The following JUP variants were observed in gnomAD, a reference collection of about 807,000 sequenced individuals.
The protein encoded by JUP is catenin (cadherin-associated protein), gamma 80kDa.
JUP carries 28 observed loss-of-function variants against 71.1 expected under a neutral mutation model. That is an observed-to-expected ratio of 0.39 (90% CI 0.29 to 0.54). JUP has a LOEUF of 0.54. Ranked by LOEUF, JUP falls within the 20% of genes least tolerant of loss-of-function variation. JUP has a pLI of 0.62. For missense variants in JUP, 869 were observed against 1,030.1 expected (o/e 0.84, Z 2.14); for synonymous variants, 401 against 438.9 (o/e 0.91, Z 1.08).
chr17:41,759,479 C>A (rs1261039384), intron 8 of JUP, among the ~76,000 whole-genome samples: 1 of 150,676 alleles, frequency 6.6e-6, no homozygotes, highest in Non-Finnish European at 1.5e-5. Context: ...TTCTTAACCA[C>A]CCCCCACAGA....
At chr17:41,764,534 G>GGAAAAAAAAAA (rs60346985) in intron 7 of JUP, among the ~76,000 whole-genome samples, 179 bp downstream of exon 7, 1 of 83,910 alleles carries the variant, frequency 1.2e-5, no homozygotes, top group Non-Finnish European at 2.1e-5. Context: ...GACTCCGTCA[G>GGAAAAAAAAAA]AAAAAAAAAA....
intron 4 of JUP, among the ~76,000 whole-genome samples, chr17:41,768,281 C>G (rs1555604832): frequency 6.6e-6 from 1 of 152,160 alleles, no homozygotes; most frequent in Non-Finnish European, 1.5e-5. Context: ...TGCCTGTAAT[C>G]CCTGCTACTT....
Position 41,763,125 on chromosome 17 carries a change from G to A in JUP, c.1355C>T (p.Thr452Met), listed in dbSNP as rs781888888. Residue 452 changes from threonine to methionine, a missense_variant, in exon 8 of 14, where the codon ACG (threonine) becomes ATG (methionine). Transcript: ENST00000393931. ...ILRAGDKDDI[T>M]EPAVCALRHL... ...GCGCAGAGCGCAGACGGCAGGCTCCGTGATGTCGTCCTTGTCACCAGCACG... is the reference window on the plus strand; with the variant it reads ...GCGCAGAGCGCAGACGGCAGGCTCCATGATGTCGTCCTTGTCACCAGCACG... The A allele has an allele frequency of 3.5e-5, 56 of 1,614,108 alleles. No homozygotes were observed. Among genetic ancestry groups the A allele is most frequent in the Middle Eastern group, 3.3e-4 (2 of 6,084 alleles).
intron 1 of JUP, among the ~76,000 whole-genome samples, chr17:41,783,292 TTG>T (rs1555610761): frequency 2.4e-5 from 2 of 83,348 alleles, no homozygotes; most frequent in African/African-American, 3.9e-5. Flanking sequence ...CGCGTTTTTT[TTG>T]TTTTTTTTTT....
At chr17:41,762,543 GCAC>G (rs1915069229) in intron 8 of JUP, among the ~76,000 whole-genome samples, 1 of 152,040 alleles carries the variant, frequency 6.6e-6, no homozygotes, top group Admixed American at 6.6e-5. Flanking sequence ...CCACAGGCGT[GCAC>G]CACCACACCT....
Position 41,771,874 on chromosome 17 carries a change from A to G in JUP, c.-8-12T>C. 1 of 1,596,996 alleles carries G rather than the reference A, an allele frequency of 6.3e-7. No individual in the cohort carries two copies. The highest frequency in any genetic ancestry group is 8.5e-7 in the Non-Finnish European group (1 of 1,171,508). ...CTCCATCGTGGCTACTGGGGGCACA[A>G]AGGAGGAAGTCAGGAAGCAGGAAGT... On this transcript the variant is annotated splice_polypyrimidine_tract_variant and intron_variant, in intron 1 of 13. Transcript: ENST00000393931.
intron 1 of JUP, among the ~76,000 whole-genome samples, chr17:41,785,492 C>A (rs1187221255): frequency 6.6e-6 from 1 of 152,006 alleles, no homozygotes; most frequent in South Asian, 2.1e-4. Flanking sequence ...TGGGGCCCAG[C>A]GAACAGGATG....
rs1159069042 is a variant in JUP at position 41,757,990 on chromosome 17, T to C, written c.1774-206A>G. ...TGAAATTACCTGTGACTCTGCCTCA[T>C]CTAACCATTGGAATCTAGTGTTAAT... On this transcript the variant is annotated intron_variant, in intron 10 of 13. Transcript: ENST00000393931. 2.6e-5 allele frequency among the ~76,000 whole-genome samples: 4 copies of C among 152,224 alleles called. No homozygotes were observed. In the East Asian group the frequency reaches 5.8e-4, roughly 22 times the overall value.
In JUP at chr17:41,763,274, C is replaced by T. The variant is rs1555602418; in HGVS notation, c.1206G>A (p.Val402=). Reference sequence around the variant, plus strand: ...CACAGGTGAGGACGTTGACGTCATCCACACTCAGCTGATTCACCAGAATCT... The same window carrying T: ...CACAGGTGAGGACGTTGACGTCATCTACACTCAGCTGATTCACCAGAATCT... ...VLKILVNQLS[V]DDVNVLTCAT... Residue 402 remains valine (V), a synonymous_variant, in exon 8 of 14, where the codon GTG becomes GTA. Transcript: ENST00000393931. The T allele has an allele frequency of 6.2e-7, 1 of 1,614,178 alleles. No individual in the cohort carries two copies. Among genetic ancestry groups the T allele is most frequent in the South Asian group, 1.1e-5 (1 of 91,076 alleles).
In JUP at chr17:41,758,786, C is replaced by T. The variant is rs368271628; in HGVS notation, c.1582G>A (p.Val528Ile). The change falls in exon 9 of 14, where the codon GTC becomes ATC. Residue 528 changes from valine (V) to isoleucine (I), a missense_variant. Physicochemically the swap from Val to Ile is conservative, Grantham distance 29 (BLOSUM62 3). Transcript: ENST00000393931. ...TGGTGGGCCTTCACCAGCAGTTGGACGAGGCGGGGGATGACCGCTGCCTCC... is the reference window on the plus strand; with the variant it reads ...TGGTGGGCCTTCACCAGCAGTTGGATGAGGCGGGGGATGACCGCTGCCTCC... Reference protein sequence around the residue: ...LQEAAVIPRLVQLLVKAHQDA... With the variant: ...LQEAAVIPRLIQLLVKAHQDA... The T allele has an allele frequency of 3.8e-5, 61 of 1,611,624 alleles. No individual in the cohort carries two copies. In the African/African-American group the frequency reaches 5.3e-4, roughly 14 times the overall value.
intron 1 of JUP, among the ~76,000 whole-genome samples, chr17:41,784,312 G>A (rs570153920): frequency 4.8e-4 from 73 of 152,230 alleles, no homozygotes; most frequent in Non-Finnish European, 1.3e-4. Context: ...TGCAAGGGAG[G>A]GGTGGAGTGG....
chr17:41,762,228 G>A (rs1168331047), intron 8 of JUP, among the ~76,000 whole-genome samples: 1 of 135,186 alleles, frequency 7.4e-6, no homozygotes, highest in Non-Finnish European at 1.6e-5. Flanking sequence ...TATTTGTTTG[G>A]GCTTTTTTTT....
intron 1 of JUP, among the ~76,000 whole-genome samples, chr17:41,773,901 G>A (rs1015021937): frequency 5.9e-5 from 9 of 152,318 alleles, no homozygotes; most frequent in Admixed American, 5.9e-4. Context: ...CCCACTGAAT[G>A]CCGCTCTGCT....
At chr17:41,785,106 C>A (rs2047384817) in intron 1 of JUP, 1 of 152,112 alleles carries the variant, frequency 6.6e-6, no homozygotes. Flanking sequence ...CTGTCAAATT[C>A]TTTCAGGAAA....
chr17:41,771,512 G>A, intron 2 of JUP, 135 bp downstream of exon 2: 1 of 758,162 alleles, frequency 1.3e-6, no homozygotes, highest in South Asian at 1.6e-5. Context: ...AGACTGGGTG[G>A]GCCCCTAGTT....
rs200802496 is a variant in JUP at position 41,756,132 on chromosome 17, G to T, written c.2086+43C>A. 1.8e-4 allele frequency: 286 copies of T among 1,594,498 alleles called. No individual in the cohort carries two copies. In the African/African-American group the frequency reaches 3.4e-3, roughly 19 times the overall value. ...TCCCCTCACACACACCCACACAGCC[G>T]CCCAGGATCTCCAGGGTCCTGAAGA... is the stretch of plus-strand genomic sequence containing the variant. On this transcript the variant is annotated intron_variant, in intron 13 of 13. Transcript: ENST00000393931.
intron 1 of JUP, among the ~76,000 whole-genome samples, chr17:41,781,946 G>A (rs1379093601): frequency 1.3e-5 from 2 of 152,172 alleles, no homozygotes; most frequent in Non-Finnish European, 2.9e-5. Flanking sequence ...CTTTGTAGTA[G>A]TCAGTGGGAT....
chr17:41,776,477 AG>A lies in JUP; in HGVS notation c.-8-4616del, dbSNP rs1286233163. Among the ~76,000 whole-genome samples, 5 of 152,330 alleles carry A rather than the reference AG, an allele frequency of 3.3e-5. No homozygotes were observed. The South Asian group carries it at 8.3e-4, about 25-fold the overall frequency. Reference sequence around the variant, plus strand: ...GTGCCTATAATCCCAGCATTTTGGAAGGCGGAGGTGGGAGGGTCGTTTGAGC... The same window carrying A: ...GTGCCTATAATCCCAGCATTTTGGAAGCGGAGGTGGGAGGGTCGTTTGAGC... On this transcript the variant is annotated intron_variant, in intron 1 of 13. Transcript: ENST00000393931.
intron 1 of JUP, among the ~76,000 whole-genome samples, chr17:41,775,294 G>C (rs781895999): frequency 6.6e-6 from 1 of 152,150 alleles, no homozygotes; most frequent in Non-Finnish European, 1.5e-5. Flanking sequence ...AGTTCAGAGA[G>C]AGGACACACT....
Sources: gnomAD v4.1 joint callset for allele counts (sites outside exome capture counted in the v4.1 genomes callset) on GRCh38, gnomAD v4.1.1 for gene constraint, MANE v1.5 for transcripts, NCBI Gene and HGNC (gene_info 2026-07-23, HGNC 2026-07-21) for gene names.